The following DOCK10 variants were observed in gnomAD, a reference collection of about 807,000 sequenced individuals.
DOCK10 encodes the protein dedicator of cytokinesis protein 10.
In DOCK10, 145 loss-of-function variants were observed where a neutral mutation model predicts 280.1. The observed-to-expected ratio is 0.52, with a 90% confidence interval of 0.45 to 0.59. DOCK10 has a LOEUF of 0.59. Ranked by LOEUF, DOCK10 falls within the 20% of genes least tolerant of loss-of-function variation. The probability of loss-of-function intolerance (pLI) is 0.00; values close to 1 mark genes in which losing one functional copy is unlikely to be tolerated. For missense variants in DOCK10, 2,368 were observed against 2,651.7 expected (o/e 0.89, Z 2.35); for synonymous variants, 915 against 942.2 (o/e 0.97, Z 0.53).
intron 47 of DOCK10, among the ~76,000 whole-genome samples, chr2:224,791,539 G>A (rs985489663): frequency 2.0e-5 from 3 of 150,596 alleles, no homozygotes; most frequent in Non-Finnish European, 4.4e-5. Context: ...ATCTCAGCTC[G>A]CTGCAACCTC....
intron 41 of DOCK10, 85 bp downstream of exon 41, chr2:224,800,066 A>T (rs547920569): frequency 5.1e-4 from 268 of 524,010 alleles, no homozygotes; most frequent in Middle Eastern, 3.1e-3. Flanking sequence ...ATAAATAATT[A>T]AAAAAAACCA....
chr2:224,960,096 G>A (rs1264691676), intron 1 of DOCK10, among the ~76,000 whole-genome samples: 2 of 152,158 alleles, frequency 1.3e-5, no homozygotes, highest in African/African-American at 2.4e-5. Flanking sequence ...TGAACCTTGA[G>A]AGGAATGATA....
At chr2:224,944,038 C>T (rs1703253024) in intron 1 of DOCK10, among the ~76,000 whole-genome samples, 1 of 152,188 alleles carries the variant, frequency 6.6e-6, no homozygotes, top group Non-Finnish European at 1.5e-5. Context: ...GCTGGGATTA[C>T]AGGCATAAGC....
intron 1 of DOCK10, among the ~76,000 whole-genome samples, chr2:225,007,456 AG>A (rs1272602305): frequency 1.3e-5 from 2 of 152,226 alleles, no homozygotes; most frequent in East Asian, 3.8e-4. Context: ...CCCACATGCA[AG>A]TTAAGTCTAA....
intron 7 of DOCK10, among the ~76,000 whole-genome samples, chr2:224,877,362 CGGACA>C (rs1698690912): frequency 1.3e-5 from 2 of 151,620 alleles, no homozygotes; most frequent in Non-Finnish European, 2.9e-5. Flanking sequence ...TGTAATAGTA[CGGACA>C]CTTGAAGGAT....
intron 5 of DOCK10, 31 bp downstream of exon 5, chr2:224,886,428 T>C: frequency 6.3e-7 from 1 of 1,585,712 alleles, no homozygotes; most frequent in Non-Finnish European, 8.6e-7. Flanking sequence ...TCCTCATGTT[T>C]TAAACATCTC....
At chr2:224,772,597 C>G (rs79301909) in intron 53 of DOCK10, among the ~76,000 whole-genome samples, 1 of 152,180 alleles carries the variant, frequency 6.6e-6, no homozygotes, top group African/African-American at 2.4e-5. Context: ...GTGGTCACAC[C>G]GCCTGAGTGC....
intron 29 of DOCK10, among the ~76,000 whole-genome samples, chr2:224,817,600 A>C (rs1694212369): frequency 6.6e-6 from 1 of 152,224 alleles, no homozygotes; most frequent in Non-Finnish European, 1.5e-5. Context: ...TTATATGTTA[A>C]CTATTTTACA....
intron 4 of DOCK10, among the ~76,000 whole-genome samples, chr2:224,890,784 G>A (rs1305284028): frequency 6.6e-6 from 1 of 152,176 alleles, no homozygotes; most frequent in Non-Finnish European, 1.5e-5. Context: ...CCAGGGAGGG[G>A]TGGTAGTTAA....
intron 29 of DOCK10, among the ~76,000 whole-genome samples, chr2:224,818,858 C>T (rs992477777): frequency 2.0e-5 from 3 of 152,208 alleles, no homozygotes; most frequent in Non-Finnish European, 2.9e-5. Flanking sequence ...TCATCTGGCC[C>T]ATTTCCAGTC....
intron 3 of DOCK10, among the ~76,000 whole-genome samples, chr2:224,904,196 A>C (rs1263894553): frequency 6.6e-6 from 1 of 152,156 alleles, no homozygotes; most frequent in Non-Finnish European, 1.5e-5. Flanking sequence ...AAAGTCATTA[A>C]ATAAACATGG....
Position 224,789,970 on chromosome 2 carries a change from G to A in DOCK10, c.5312-800C>T, listed in dbSNP as rs574436792. 2.6e-5 allele frequency among the ~76,000 whole-genome samples: 4 copies of A among 152,116 alleles called. 1 individual carries two copies. Among genetic ancestry groups the A allele is most frequent in the Admixed American group, 1.3e-4 (2 of 15,270 alleles). On this transcript the variant is annotated intron_variant, in intron 47 of 55. Transcript: ENST00000258390. ...TAATTTTTGTATTTTTAGTAGAGAC[G>A]GGGTTTCACCATGTTGGCTAGGCTG...
chr2:224,876,167 A>G lies in DOCK10; in HGVS notation c.802T>C (p.Phe268Leu), dbSNP rs1191197341. ...FELKMNDLTY[F>L]VLAAETESDM... ...GACTCTGTTTCAGCTGCCAGCACAA[A>G]ATAGGTCAGATCATTCATTTTCAAT... The change falls in exon 8 of 56, where the codon TTT becomes CTT. Residue 268 changes from phenylalanine (F) to leucine (L), a missense_variant. Transcript: ENST00000258390. The G allele has an allele frequency of 1.2e-6, 2 of 1,613,678 alleles. No homozygotes were observed. The highest frequency in any genetic ancestry group is 1.3e-5 in the African/African-American group (1 of 74,906).
chr2:224,906,635 T>C (rs900318872), intron 3 of DOCK10, among the ~76,000 whole-genome samples: 4 of 152,116 alleles, frequency 2.6e-5, no homozygotes, highest in Admixed American at 1.3e-4. Context: ...CCTGCCACCA[T>C]GCCCAGCTAA....
chr2:224,876,808 C>T (rs563955926), intron 7 of DOCK10, among the ~76,000 whole-genome samples: 24 of 152,130 alleles, frequency 1.6e-4, no homozygotes, highest in Non-Finnish European at 3.4e-4. Flanking sequence ...GCCAGCTGTT[C>T]CTTCTTCTCA....
At chr2:224,783,163 G>C (rs186767408) in intron 50 of DOCK10, among the ~76,000 whole-genome samples, 2 of 152,248 alleles carry the variant, frequency 1.3e-5, no homozygotes, top group Admixed American at 1.3e-4. Flanking sequence ...ACCTCCATTG[G>C]TTCTCCTTGT....
chr2:224,886,399 G>T lies in DOCK10; in HGVS notation c.489+60C>A, dbSNP rs1559659725. 10 of 1,536,358 alleles carry T rather than the reference G, an allele frequency of 6.5e-6. No individual in the cohort carries two copies. In the South Asian group the frequency reaches 1.1e-4, roughly 17 times the overall value. ...CCGGTCAGAACTCGAAACTTTCAGT[G>T]CAAGACAGAAACTAATTATCCTCAT... On this transcript the variant is annotated intron_variant, in intron 5 of 55. Coordinates refer to ENST00000258390, the MANE Select transcript of DOCK10 (RefSeq NM_014689.3).
intron 1 of DOCK10, among the ~76,000 whole-genome samples, chr2:225,005,965 C>G (rs1449662814): frequency 2.0e-5 from 3 of 152,164 alleles, no homozygotes; most frequent in African/African-American, 7.2e-5. Context: ...AAAGACCACC[C>G]TCTAGGGTGT....
At chr2:224,969,401 G>A (rs1310743930) in intron 1 of DOCK10, among the ~76,000 whole-genome samples, 2 of 152,160 alleles carry the variant, frequency 1.3e-5, no homozygotes, top group Non-Finnish European at 2.9e-5. Context: ...TTACGGTTTT[G>A]TGATGAACAC....
Sources: allele counts gnomAD v4.1 joint callset (sites outside exome capture counted in the v4.1 genomes callset), GRCh38; gene constraint gnomAD v4.1.1; transcripts MANE v1.5; gene names NCBI Gene and HGNC (gene_info 2026-07-23, HGNC 2026-07-21).